The following MRPL30 variants were observed in gnomAD, a reference collection of about 807,000 sequenced individuals.
The protein encoded by MRPL30 is large ribosomal subunit protein uL30m.
Under a neutral mutation model 17.2 loss-of-function variants are expected in MRPL30, and 10 were observed. The observed-to-expected ratio is 0.58, with a 90% confidence interval of 0.36 to 0.99. The LOEUF (loss-of-function observed/expected upper bound fraction) is 0.99. Ranked by LOEUF, MRPL30 falls within the 50% of genes least tolerant of loss-of-function variation. The pLI, the probability that MRPL30 is intolerant of heterozygous loss-of-function variation, is 0.01. For missense variants in MRPL30, 170 were observed against 189.8 expected (o/e 0.90, Z 0.61); for synonymous variants, 61 against 62.1 (o/e 0.98, Z 0.08).
At chr2:99,185,177 T>A (rs1269964925) in intron 1 of MRPL30, among the ~76,000 whole-genome samples, 1 of 151,754 alleles carries the variant, frequency 6.6e-6, no homozygotes, top group African/African-American at 2.4e-5. Flanking sequence ...CCTGATGATC[T>A]GAGGTGAACA....
chr2:99,182,190 A>G (rs2093924680), intron 1 of MRPL30, among the ~76,000 whole-genome samples: 1 of 152,238 alleles, frequency 6.6e-6, no homozygotes, highest in African/African-American at 2.4e-5. Context: ...CCTGTTTTAC[A>G]GAAGACAGCG....
At chr2:99,188,585 T>C (rs2093938320) in intron 3 of MRPL30, among the ~76,000 whole-genome samples, 1 of 152,242 alleles carries the variant, frequency 6.6e-6, no homozygotes, top group African/African-American at 2.4e-5. Flanking sequence ...TGTGTCACTC[T>C]TCATTTTCAC....
intron 1 of MRPL30, among the ~76,000 whole-genome samples, chr2:99,184,902 G>A (rs540538964): frequency 3.3e-5 from 5 of 152,258 alleles, no homozygotes; most frequent in South Asian, 4.2e-4. Flanking sequence ...TAGAATCTGC[G>A]GGACACTGAA....
intron 1 of MRPL30, among the ~76,000 whole-genome samples, chr2:99,182,216 C>T (rs925188123): frequency 7.2e-5 from 11 of 152,200 alleles, no homozygotes; most frequent in Admixed American, 5.2e-4. Flanking sequence ...GTTTCAGGGT[C>T]CAGGAGTTAC....
At chr2:99,181,698 T>A (rs1269008631) in intron 1 of MRPL30, among the ~76,000 whole-genome samples, 1 of 152,154 alleles carries the variant, frequency 6.6e-6, no homozygotes, top group African/African-American at 2.4e-5. Context: ...GTTAGAATAT[T>A]TGCCATTTTA....
Position 99,181,187 on chromosome 2 carries a change from GTTC to G in MRPL30, c.-86_-84del, listed in dbSNP as rs2093919204. On this transcript the variant is annotated 5_prime_UTR_variant, in exon 1 of 6. Transcript: ENST00000338148. ...CAGGCTTTGAGTGTAGCACTTGGTA[GTTC>G]TTCCTCTGCTCTGCTTCCCTTCGGA... 1 of 630,716 alleles carries G rather than the reference GTTC, an allele frequency of 1.6e-6. No homozygotes were observed. Among genetic ancestry groups the G allele is most frequent in the Non-Finnish European group, 2.6e-6 (1 of 387,278 alleles). 39.1% of individuals were successfully genotyped at this position (630,716 alleles called of 1,614,324 possible). A position where few individuals can be genotyped will look rare whatever the true frequency, so the allele number is the denominator to read the frequency against.
chr2:99,188,665 C>T (rs1350649391), intron 3 of MRPL30, among the ~76,000 whole-genome samples: 1 of 152,124 alleles, frequency 6.6e-6, no homozygotes, highest in African/African-American at 2.4e-5. Context: ...ACCTATCATT[C>T]TTTTAGATAA....
At chr2:99,188,995 T>TATTTG (rs2105244882) in intron 3 of MRPL30, among the ~76,000 whole-genome samples, 1 of 152,296 alleles carries the variant, frequency 6.6e-6, no homozygotes, top group East Asian at 1.9e-4. Context: ...GGCCTGTTTT[T>TATTTG]ATTTGTTTTT....
At chr2:99,182,627 T>C (rs2093926665) in intron 1 of MRPL30, among the ~76,000 whole-genome samples, 1 of 152,226 alleles carries the variant, frequency 6.6e-6, no homozygotes, top group Admixed American at 6.5e-5. Flanking sequence ...CTCCAATTAC[T>C]GGGAAAATTG....
chr2:99,187,680 T>C (rs1157152189), intron 2 of MRPL30, among the ~76,000 whole-genome samples: 1 of 151,962 alleles, frequency 6.6e-6, no homozygotes, highest in Non-Finnish European at 1.5e-5. Context: ...AAAAAAAAAT[T>C]AGCTGGACGT....
At chr2:99,191,949 G>T (rs2093947091) in intron 3 of MRPL30, among the ~76,000 whole-genome samples, 1 of 150,854 alleles carries the variant, frequency 6.6e-6, no homozygotes, top group Non-Finnish European at 1.5e-5. Context: ...CCTTTCTTTA[G>T]TGCACCTACC....
At chr2:99,181,603 CTTT>C (rs5832868) in intron 1 of MRPL30, among the ~76,000 whole-genome samples, 9 of 140,686 alleles carry the variant, frequency 6.4e-5, no homozygotes, top group Admixed American at 7.0e-5. Flanking sequence ...ATTAAGGTTG[CTTT>C]TTTTTTTTTT....
At chr2:99,183,541 C>A (rs1574842915) in intron 1 of MRPL30, among the ~76,000 whole-genome samples, 1 of 150,190 alleles carries the variant, frequency 6.7e-6, no homozygotes, top group East Asian at 2.0e-4. Flanking sequence ...TGCACTCCAG[C>A]CTGGGTGACA....
rs1003596473 is a variant in MRPL30, at chr2:99,198,982, A to G, written c.*3277A>G. The stretch of plus-strand genomic sequence containing the variant: ...CATAAGAATGCTAGCTAGTATGCCT[A>G]TTATCTAACTGGCACAGTTTCACCA... On this transcript the variant is annotated 3_prime_UTR_variant, in exon 6 of 6. Coordinates refer to ENST00000338148, the MANE Select transcript of MRPL30 (RefSeq NM_145212.4). Among the ~76,000 whole-genome samples, 1 of 151,818 alleles carries G rather than the reference A, an allele frequency of 6.6e-6. No individual in the cohort carries two copies. Among genetic ancestry groups the G allele is most frequent in the Non-Finnish European group, 1.5e-5 (1 of 67,972 alleles).
rs1373214550 is a variant in MRPL30 at position 99,188,197 on chromosome 2, G to A, written c.72G>A (p.Glu24=). The change falls in exon 3 of 6, where the codon GAG becomes GAA. Residue 24 remains glutamate (E), a synonymous_variant. Transcript: ENST00000338148. ...GRLQTVTKGV[E]SLICTDWIRH... ...TTTAGACTGTGACAAAAGGTGTGGAGTCTCTTATTTGTACAGATTGGATTC... is the reference window on the plus strand; with the variant it reads ...TTTAGACTGTGACAAAAGGTGTGGAATCTCTTATTTGTACAGATTGGATTC... 1 of 1,602,430 alleles carries A rather than the reference G, an allele frequency of 6.2e-7. No homozygotes were observed. The highest frequency in any genetic ancestry group is 1.1e-5 in the South Asian group (1 of 87,938).
rs2093955467 is a variant in MRPL30, at chr2:99,196,488, A to G, written c.*783A>G. ...AGCTAATTTTTTAAAGTTTTTTCAT[A>G]GAGACAGGGACTCACTATGTTGTCC... is the stretch of plus-strand genomic sequence containing the variant. On this transcript the variant is annotated 3_prime_UTR_variant, in exon 6 of 6. Transcript: ENST00000338148. 6.6e-6 allele frequency: 1 copy of G among 152,140 alleles called. No individual in the cohort carries two copies. The highest frequency in any genetic ancestry group is 1.5e-5 in the Non-Finnish European group (1 of 68,070). The allele number at this position is 152,140 out of a possible 1,614,324, so 9.4% of individuals were successfully genotyped here.
rs1384829311 is a variant in MRPL30 at position 99,198,944 on chromosome 2, A to AT, written c.*3249dup. On this transcript the variant is annotated 3_prime_UTR_variant, in exon 6 of 6. Transcript: ENST00000338148. ...TTCAGGCCAAACACCTATTTTCTTC[A>AT]TTTTTTTTTTCTCATAAGAATGCTA... Among the ~76,000 whole-genome samples the AT allele has an allele frequency of 4.2e-3, 620 of 147,066 alleles. 6 individuals carry two copies. The highest frequency in any genetic ancestry group is 0.014 in the African/African-American group (578 of 40,126).
At chr2:99,182,486 C>T (rs1445326482) in intron 1 of MRPL30, among the ~76,000 whole-genome samples, 2 of 152,226 alleles carry the variant, frequency 1.3e-5, no homozygotes, top group African/African-American at 4.8e-5. Flanking sequence ...ACCCGGGAGG[C>T]GGAGCTTGCA....
intron 1 of MRPL30, 111 bp from the exon 2 acceptor site, chr2:99,186,066 C>T: frequency 1.5e-6 from 1 of 650,390 alleles, no homozygotes; most frequent in Non-Finnish European, 2.7e-6. Flanking sequence ...AATAATTTTA[C>T]TGTTAAGTTT....
Sources: gnomAD v4.1 joint callset for allele counts (sites outside exome capture counted in the v4.1 genomes callset) on GRCh38, gnomAD v4.1.1 for gene constraint, MANE v1.5 for transcripts, NCBI Gene and HGNC (gene_info 2026-07-23, HGNC 2026-07-21) for gene names.